CDH23: variants seen among roughly 807,000 people sequenced by gnomAD.
CDH23 encodes cadherin-23.
Under a neutral mutation model 317.1 loss-of-function variants are expected in CDH23, and 189 were observed. The observed-to-expected ratio is 0.60, with a 90% CI of 0.53 to 0.67. CDH23 has a LOEUF of 0.67. Among genes scored for constraint, CDH23 ranks in the 30% least tolerant of loss-of-function variants. CDH23 has a pLI of 0.00. For synonymous variants in CDH23, 1,839 were observed against 1,876.8 expected (o/e 0.98, Z 0.52); for missense variants, 4,401 against 4,592.4 (o/e 0.96, Z 1.20).
chr10:71,759,475 C>T (rs1001412789), intron 38 of CDH23, among the ~76,000 whole-genome samples: 1 of 151,894 alleles, frequency 6.6e-6, no homozygotes, highest in Non-Finnish European at 1.5e-5. Flanking sequence ...CCACTGCATT[C>T]CAGCCTGAGT....
At chr10:71,431,132 C>G (rs1849350152) in intron 1 of CDH23, among the ~76,000 whole-genome samples, 1 of 152,180 alleles carries the variant, frequency 6.6e-6, no homozygotes, top group Non-Finnish European at 1.5e-5. Flanking sequence ...TACACCCTTT[C>G]TTTTTAGTTA....
chr10:71,424,681 C>T (rs1848974179), intron 1 of CDH23, among the ~76,000 whole-genome samples: 1 of 152,198 alleles, frequency 6.6e-6, no homozygotes, highest in African/African-American at 2.4e-5. Flanking sequence ...GTCATTGATT[C>T]ATGATTCATC....
intron 12 of CDH23, among the ~76,000 whole-genome samples, chr10:71,644,137 C>T (rs146895631): frequency 2.2e-4 from 33 of 152,360 alleles, no homozygotes; most frequent in African/African-American, 5.8e-4. Flanking sequence ...CACCAGGGAG[C>T]GCTGCAACCT....
intron 13 of CDH23, 148 bp from the exon 14 acceptor site, chr10:71,646,311 C>A: frequency 8.0e-7 from 1 of 1,255,808 alleles, no homozygotes; most frequent in Non-Finnish European, 1.1e-6. Context: ...AACAGACGGG[C>A]TCGCAGTAGC....
chr10:71,688,808 A>C (rs1589335503), intron 19 of CDH23, among the ~76,000 whole-genome samples: 1 of 83,646 alleles, frequency 1.2e-5, no homozygotes. Context: ...TGGTGGAGCC[A>C]ACGGTGGTGG....
rs1865353441 is a variant in CDH23 at position 71,695,530 on chromosome 10, G to A, written c.2397+5G>A. The A allele has an allele frequency of 1.3e-6, 2 of 1,598,774 alleles. No homozygotes were observed. The highest frequency in any genetic ancestry group is 1.7e-6 in the Non-Finnish European group (2 of 1,165,964). ...CCAGACTCTGATGTGACCACGGTAGGTGGTGGCAGAGCAGCAGAACTGCCA... is the reference window on the plus strand; with the variant it reads ...CCAGACTCTGATGTGACCACGGTAGATGGTGGCAGAGCAGCAGAACTGCCA... On this transcript the variant is annotated splice_donor_5th_base_variant and intron_variant, in intron 22 of 69. Coordinates refer to ENST00000224721, the MANE Select transcript of CDH23 (RefSeq NM_022124.6).
chr10:71,729,127 G>C (rs942931062), intron 30 of CDH23, among the ~76,000 whole-genome samples: 1 of 152,164 alleles, frequency 6.6e-6, no homozygotes, highest in African/African-American at 2.4e-5. Flanking sequence ...AAGCCACCAT[G>C]CCTGGCCTCC....
intron 8 of CDH23, among the ~76,000 whole-genome samples, chr10:71,576,510 G>A (rs1387463649): frequency 6.6e-6 from 1 of 152,150 alleles, no homozygotes; most frequent in Non-Finnish European, 1.5e-5. Context: ...GGGGGTGGGG[G>A]TGCAGCTCGG....
At chr10:71,667,013 G>A (rs1448999431) in intron 14 of CDH23, among the ~76,000 whole-genome samples, 2 of 152,232 alleles carry the variant, frequency 1.3e-5, no homozygotes, top group African/African-American at 4.8e-5. Flanking sequence ...ATTGTTTCCT[G>A]AACAAATTGT....
At chr10:71,532,727 G>GTTTTTTTTT (rs200038577) in intron 6 of CDH23, among the ~76,000 whole-genome samples, 2 of 93,930 alleles carry the variant, frequency 2.1e-5, no homozygotes, top group Non-Finnish European at 4.8e-5. Context: ...TTTTTTTTTT[G>GTTTTTTTTT]TTTTTTTTTT....
intron 3 of CDH23, among the ~76,000 whole-genome samples, chr10:71,460,297 G>C (rs1850915036): frequency 6.6e-6 from 1 of 152,246 alleles, no homozygotes; most frequent in Non-Finnish European, 1.5e-5. Flanking sequence ...CAGGGCACAA[G>C]ATCCTCCAAC....
At chr10:71,561,784 T>C (rs1289909879) in intron 6 of CDH23, among the ~76,000 whole-genome samples, 2 of 152,046 alleles carry the variant, frequency 1.3e-5, no homozygotes, top group African/African-American at 4.8e-5. Flanking sequence ...GGGTGTACAT[T>C]TGGGGAGACT....
chr10:71,581,554 A>G (rs1005598368), intron 9 of CDH23, among the ~76,000 whole-genome samples: 2 of 152,334 alleles, frequency 1.3e-5, no homozygotes, highest in Admixed American at 6.5e-5. Context: ...TGCTTTCCCC[A>G]TTACTAATGA....
At chr10:71,791,364 A>T (rs1221919946) in intron 47 of CDH23, 29 bp downstream of exon 47, 6 of 1,591,696 alleles carry the variant, frequency 3.8e-6, no homozygotes, top group Non-Finnish European at 4.3e-6. Context: ...CCAGCACCCC[A>T]CAACCAGGGG....
chr10:71,761,697 G>A, intron 38 of CDH23: 1 of 1,614,072 alleles, frequency 6.2e-7, no homozygotes, highest in Non-Finnish European at 8.5e-7. Context: ...CTATCCAGCA[G>A]GGTCAGGTTG....
chr10:71,797,199 C>A lies in CDH23; in HGVS notation c.6808C>A (p.Arg2270Ser). Reference sequence around the variant, plus strand: ...TGACAATGCCAGCGACCTACCAGAGCGCTCTGTCAGTGTGCCAAATGGTAA... The same window carrying A: ...TGACAATGCCAGCGACCTACCAGAGAGCTCTGTCAGTGTGCCAAATGGTAA... ...VIDNASDLPE[R>S]SVSVPNAKLT... The change falls in exon 49 of 70, where the codon CGC becomes AGC. Residue 2270 changes from arginine to serine, a missense_variant. Physicochemically the swap from Arg to Ser is moderately radical, Grantham distance 110. Coordinates refer to ENST00000224721, the MANE Select transcript of CDH23 (RefSeq NM_022124.6). The A allele has an allele frequency of 6.2e-7, 1 of 1,612,568 alleles. No individual in the cohort carries two copies. Among genetic ancestry groups the A allele is most frequent in the South Asian group, 1.1e-5 (1 of 90,774 alleles).
Position 71,510,158 on chromosome 10 carries a change from C to G in CDH23, c.222C>G (p.Ala74=). ...TGTTTGGCGTGTCTGGGGAGGAGGC[C>G]TCTCGCTTCTTTGCAGTGGAGCCTG... ...PLVFGVSGEE[A]SRFFAVEPDT... The change falls in exon 4 of 70, where the codon GCC becomes GCG. Residue 74 remains alanine, a synonymous_variant. Coordinates refer to ENST00000224721, the MANE Select transcript of CDH23 (RefSeq NM_022124.6). 1.2e-6 allele frequency: 2 copies of G among 1,613,996 alleles called. No individual in the cohort carries two copies. Among genetic ancestry groups the G allele is most frequent in the South Asian group, 2.2e-5 (2 of 91,084 alleles).
At chr10:71,637,377 ACTC>A (rs1376306879) in intron 11 of CDH23, among the ~76,000 whole-genome samples, 1 of 151,438 alleles carries the variant, frequency 6.6e-6, no homozygotes, top group Non-Finnish European at 1.5e-5. Flanking sequence ...TACCCCCACT[ACTC>A]CTAGAACAAT....
At chr10:71,569,924 A>G (rs537976984) in intron 7 of CDH23, among the ~76,000 whole-genome samples, 5 of 151,896 alleles carry the variant, frequency 3.3e-5, no homozygotes, top group Non-Finnish European at 5.9e-5. Flanking sequence ...GGGTCTCGCT[A>G]TGTTGTCCAG....
Sources: gnomAD v4.1 joint callset for allele counts (sites outside exome capture counted in the v4.1 genomes callset) on GRCh38, gnomAD v4.1.1 for gene constraint, MANE v1.5 for transcripts, NCBI Gene and HGNC (gene_info 2026-07-23, HGNC 2026-07-21) for gene names.